SGSM3: variants seen among roughly 807,000 people sequenced by gnomAD.
SGSM3 encodes the protein small G protein signaling modulator 3.
Under a neutral mutation model 100.5 loss-of-function variants are expected in SGSM3, and 96 were observed. The ratio of observed to expected loss-of-function variants is 0.96; its 90% CI spans 0.81 to 1.13. The LOEUF (loss-of-function observed/expected upper bound fraction) is 1.13, where lower values mean the gene tolerates loss of function less well. SGSM3 is among the 50% of genes most tolerant of loss of function. The pLI is 0.00. For synonymous variants in SGSM3, 483 were observed against 422.8 expected (o/e 1.14, Z -1.75); for missense variants, 1,001 against 1,015.8 (o/e 0.99, Z 0.20).
At chr22:40,371,058 C>T (rs1321577927) in intron 1 of SGSM3, among the ~76,000 whole-genome samples, 3 of 152,242 alleles carry the variant, frequency 2.0e-5, no homozygotes, top group Admixed American at 1.3e-4. Context: ...GCCTGGCTGG[C>T]TCTGGCACCG....
chr22:40,406,682 C>T lies in SGSM3; in HGVS notation c.1185+20C>T, dbSNP rs745913499. On this transcript the variant is annotated intron_variant, in intron 10 of 21. Transcript: ENST00000248929. ...TCTCAGGTGGCCCAGGATGGGGGGC[C>T]GCACCTTGACCCACAGCACACGGGG... The T allele has an allele frequency of 1.7e-5, 27 of 1,587,630 alleles. 1 individual carries two copies. Among genetic ancestry groups the T allele is most frequent in the Middle Eastern group, 1.7e-4 (1 of 6,018 alleles).
Position 40,409,570 on chromosome 22 carries a change from C to T in SGSM3, c.2172+45C>T, listed in dbSNP as rs2052287180. 3 of 1,612,992 alleles carry T rather than the reference C, an allele frequency of 1.9e-6. No homozygotes were observed. In the South Asian group the frequency reaches 3.3e-5, roughly 18 times the overall value. On this transcript the variant is annotated intron_variant, in intron 21 of 21. Coordinates refer to ENST00000248929, the MANE Select transcript of SGSM3 (RefSeq NM_015705.6). ...TAGGGCCTGCACTGATGGAGCTGCC[C>T]AAACCGTTCGCGGGGTGGCTAAGGT...
At position 40,405,686 on chromosome 22, in the gene SGSM3, A is replaced by C. The variant is rs565900842; in HGVS notation, c.656A>C (p.Asp219Ala). 1.4e-5 allele frequency: 22 copies of C among 1,613,514 alleles called. 1 individual carries two copies. Among genetic ancestry groups the C allele is most frequent in the South Asian group, 1.3e-4 (12 of 91,034 alleles). ...ACLLLFLEEE[D>A]AFWMMSAIIE... ...CTCCTGCTGTTCCTGGAGGAGGAGG[A>C]CGCCTTCTGGATGATGTCTGCCATC... Residue 219 changes from aspartate to alanine, a missense_variant, in exon 8 of 22, where the codon GAC (aspartate) becomes GCC (alanine). Transcript: ENST00000248929.
chr22:40,373,850 G>C (rs769757903), intron 1 of SGSM3, among the ~76,000 whole-genome samples: 1 of 152,172 alleles, frequency 6.6e-6, no homozygotes, highest in African/African-American at 2.4e-5. Context: ...TCTTGACCTC[G>C]TGATCCGCCC....
chr22:40,405,207 G>A lies in SGSM3; in HGVS notation c.541G>A (p.Val181Met), dbSNP rs776452412. The A allele has an allele frequency of 3.2e-6, 5 of 1,586,098 alleles. No homozygotes were observed. Among genetic ancestry groups the A allele is most frequent in the Non-Finnish European group, 3.4e-6 (4 of 1,165,262 alleles). ...CTTCGCCAGCATGGGTAGCATCGGGGTGCCCCGCCTGCGCAGGGTGCTCCG... is the reference window on the plus strand; with the variant it reads ...CTTCGCCAGCATGGGTAGCATCGGGATGCCCCGCCTGCGCAGGGTGCTCCG... Reference protein sequence around the residue: ...ACFASMGSIGVPRLRRVLRAL... With the variant: ...ACFASMGSIGMPRLRRVLRAL... The change falls in exon 7 of 22, where the codon GTG (valine) becomes ATG (methionine). Residue 181 changes from valine to methionine, a missense_variant. Transcript: ENST00000248929.
chr22:40,410,195 C>A lies in SGSM3; in HGVS notation c.*436C>A. On this transcript the variant is annotated 3_prime_UTR_variant, in exon 22 of 22. Transcript: ENST00000248929. ...CCTTCCTTGAGTGGTCTAGAAGGCACTGCGTGGCCCCTCAGATGCTGGGAC... is the reference window on the plus strand; with the variant it reads ...CCTTCCTTGAGTGGTCTAGAAGGCAATGCGTGGCCCCTCAGATGCTGGGAC... 9.4e-7 allele frequency: 1 copy of A among 1,065,292 alleles called. No individual in the cohort carries two copies. The highest frequency in any genetic ancestry group is 1.1e-6 in the Non-Finnish European group (1 of 880,698). The allele number at this position is 1,065,292 out of a possible 1,614,324, so 66.0% of individuals were successfully genotyped here. A position where few individuals can be genotyped will look rare whatever the true frequency, so the allele number is the denominator to read the frequency against.
intron 4 of SGSM3, 43 bp downstream of exon 4, chr22:40,402,248 T>C: frequency 6.7e-7 from 1 of 1,485,348 alleles, no homozygotes; most frequent in Non-Finnish European, 9.4e-7. Flanking sequence ...CTGATGTTCT[T>C]TGGGGAGGAC....
chr22:40,376,652 AG>A (rs1283958383), intron 1 of SGSM3: 1 of 152,192 alleles, frequency 6.6e-6, no homozygotes, highest in Non-Finnish European at 1.5e-5. Context: ...ATGTATTGCT[AG>A]TATTATGCCC....
intron 19 of SGSM3, 57 bp from the exon 20 acceptor site, chr22:40,409,193 C>T: frequency 6.4e-7 from 1 of 1,556,928 alleles, no homozygotes; most frequent in East Asian, 2.3e-5. Flanking sequence ...TCCACCGTGG[C>T]TGCAGCCAGA....
In SGSM3 at chr22:40,409,654, G is replaced by A. The variant is rs774137033; in HGVS notation, c.2173-28G>A. On this transcript the variant is annotated intron_variant, in intron 21 of 21. Transcript: ENST00000248929. ...ACTACCCCAGCCATGCCCAAGGCCT[G>A]TGAGGTGAGGGGCTGCCCTGTTTGC... The A allele has an allele frequency of 5.5e-5, 89 of 1,609,968 alleles. 1 individual carries two copies. The South Asian group carries it at 9.4e-4, about 17-fold the overall frequency.
At chr22:40,405,936 T>C (rs926882784) in intron 8 of SGSM3, 92 bp downstream of exon 8, 7 of 1,479,912 alleles carry the variant, frequency 4.7e-6, no homozygotes, top group Admixed American at 1.9e-5. Context: ...CCCCCAACCA[T>C]GGTCTTTGTC....
chr22:40,408,406 C>T lies in SGSM3; in HGVS notation c.1759C>T (p.His587Tyr). The T allele has an allele frequency of 6.2e-7, 1 of 1,613,492 alleles. No individual in the cohort carries two copies. The highest frequency in any genetic ancestry group is 8.5e-7 in the Non-Finnish European group (1 of 1,179,972). Residue 587 changes from histidine to tyrosine, a missense_variant, in exon 16 of 22, where the codon CAC becomes TAC. Coordinates refer to ENST00000248929, the MANE Select transcript of SGSM3 (RefSeq NM_015705.6). ...KKPSLLGGAC[H>Y]PWLFIEEAAG... ...GCCATCCCTGCTTGGGGGCGCCTGCCACCCCTGGCTGTTTATCGAGGAGGT... is the reference window on the plus strand; with the variant it reads ...GCCATCCCTGCTTGGGGGCGCCTGCTACCCCTGGCTGTTTATCGAGGAGGT...
intron 8 of SGSM3, 110 bp from the exon 9 acceptor site, chr22:40,405,968 C>T: frequency 6.7e-7 from 1 of 1,499,214 alleles, no homozygotes; most frequent in Non-Finnish European, 9.1e-7. Context: ...CTCTGGTGTT[C>T]CCTGCCCCCT....
At chr22:40,400,637 C>G in intron 1 of SGSM3, 59 bp from the exon 2 acceptor site, 1 of 650,712 alleles carries the variant, frequency 1.5e-6, no homozygotes, top group South Asian at 1.8e-5. Flanking sequence ...AAGCGAGACT[C>G]TGTCTAAAAA....
intron 1 of SGSM3, among the ~76,000 whole-genome samples, chr22:40,371,310 AAAAT>A (rs774623742): frequency 9.2e-5 from 14 of 152,364 alleles, no homozygotes; most frequent in Non-Finnish European, 1.8e-4. Flanking sequence ...TTTGGAAAGA[AAAAT>A]AAAGATGTTT....
At chr22:40,387,319 G>T in intron 1 of SGSM3, 2 of 397,474 alleles carry the variant, frequency 5.0e-6, no homozygotes, top group Non-Finnish European at 8.9e-6. Flanking sequence ...ATTCTTTAGG[G>T]TAATGTTATG....
In SGSM3 at chr22:40,409,384, A is replaced by C; in HGVS notation, c.2111+12A>C. ...AAGTGTGAGCTCCGGTGAGGACCTT[A>C]CTGGGCTTGGGGGATGGAGGTGGGG... On this transcript the variant is annotated intron_variant, in intron 20 of 21. Coordinates refer to ENST00000248929, the MANE Select transcript of SGSM3 (RefSeq NM_015705.6). 1 of 1,589,650 alleles carries C rather than the reference A, an allele frequency of 6.3e-7. No individual in the cohort carries two copies. The highest frequency in any genetic ancestry group is 8.6e-7 in the Non-Finnish European group (1 of 1,166,154).
chr22:40,404,916 A>G (rs1849930901), intron 6 of SGSM3, among the ~76,000 whole-genome samples: 2 of 152,228 alleles, frequency 1.3e-5, no homozygotes. Flanking sequence ...TATAGACTCC[A>G]GGCCTCGGGC....
Position 40,401,620 on chromosome 22 carries a change from T to C in SGSM3, c.35T>C (p.Phe12Ser). ...AGCCATACACCTGCCTGTGGCCCTT[T>C]CTCAGCCCTGACTCCGAGCATATGG... ...SGSHTPACGP[F>S]SALTPSIWPQ... The change falls in exon 3 of 22, where the codon TTC (phenylalanine) becomes TCC (serine). Residue 12 changes from phenylalanine (F) to serine (S), a missense_variant. By Grantham distance (155) the Phe-to-Ser change is radical. Transcript: ENST00000248929. 1 of 1,613,388 alleles carries C rather than the reference T, an allele frequency of 6.2e-7. No homozygotes were observed. Among genetic ancestry groups the C allele is most frequent in the Non-Finnish European group, 8.5e-7 (1 of 1,179,468 alleles).
Sources: gnomAD v4.1 joint callset for allele counts (sites outside exome capture counted in the v4.1 genomes callset) on GRCh38, gnomAD v4.1.1 for gene constraint, MANE v1.5 for transcripts, NCBI Gene and HGNC (gene_info 2026-07-23, HGNC 2026-07-21) for gene names.